Variants in CNTN5 observed in about 807,000 individuals in gnomAD.
CNTN5 encodes contactin 5.
Under a neutral mutation model 129.1 loss-of-function variants are expected in CNTN5, and 77 were observed. That is an observed-to-expected ratio of 0.60 (90% confidence interval 0.50 to 0.72). CNTN5 has a LOEUF of 0.72. Ranked by LOEUF, CNTN5 falls within the 30% of genes least tolerant of loss-of-function variation. The pLI, the probability that CNTN5 is intolerant of heterozygous loss-of-function variation, is 0.00. For synonymous variants in CNTN5, 509 were observed against 465.6 expected (o/e 1.09, Z -1.20); for missense variants, 1,478 against 1,328.8 (o/e 1.11, Z -1.75).
intron 2 of CNTN5, among the ~76,000 whole-genome samples, chr11:99,350,037 G>A (rs914526866): frequency 9.2e-5 from 14 of 152,078 alleles, no homozygotes; most frequent in African/African-American, 3.1e-4. Flanking sequence ...TTTTTTTCAA[G>A]TTATATTGCC....
chr11:99,463,187 C>T (rs1246174708), intron 2 of CNTN5, among the ~76,000 whole-genome samples: 2 of 149,708 alleles, frequency 1.3e-5, no homozygotes, highest in Middle Eastern at 3.5e-3. Flanking sequence ...GCCTGTAATC[C>T]CAGCACTTTG....
At chr11:99,961,564 G>C (rs1383932348) in intron 8 of CNTN5, among the ~76,000 whole-genome samples, 1 of 152,174 alleles carries the variant, frequency 6.6e-6, no homozygotes, top group Non-Finnish European at 1.5e-5. Flanking sequence ...TGAAATCAAA[G>C]TTAGCACTAA....
intron 1 of CNTN5, among the ~76,000 whole-genome samples, chr11:99,119,907 G>A (rs1376763780): frequency 6.6e-6 from 1 of 151,886 alleles, no homozygotes; most frequent in East Asian, 1.9e-4. Flanking sequence ...CGTATGTTTT[G>A]GTCACATGTA....
chr11:99,617,453 C>T (rs907677543), intron 3 of CNTN5, among the ~76,000 whole-genome samples: 4 of 152,034 alleles, frequency 2.6e-5, no homozygotes, highest in Non-Finnish European at 5.9e-5. Flanking sequence ...ATTATCTTCC[C>T]GAAGGCTCTG....
chr11:99,750,558 C>A lies in CNTN5; in HGVS notation c.56-68986C>A, dbSNP rs549996306. On this transcript the variant is annotated intron_variant, in intron 3 of 24. Coordinates refer to ENST00000524871, the MANE Select transcript of CNTN5 (RefSeq NM_014361.4). Reference sequence around the variant, plus strand: ...GAAGAGTGGTAGCTAAAAAAAAAAGCTACCACTCTTACCTCCTCTGTAAGG... The same window carrying A: ...GAAGAGTGGTAGCTAAAAAAAAAAGATACCACTCTTACCTCCTCTGTAAGG... Among the ~76,000 whole-genome samples the A allele has an allele frequency of 1.2e-3, 180 of 147,238 alleles. 1 individual carries two copies. The highest frequency in any genetic ancestry group is 0.011 in the South Asian group (49 of 4,490).
intron 3 of CNTN5, among the ~76,000 whole-genome samples, chr11:99,691,488 G>A (rs1362902681): frequency 1.3e-5 from 2 of 151,926 alleles, no homozygotes; most frequent in African/African-American, 2.4e-5. Flanking sequence ...CCTGATTTGT[G>A]CCTTAATATT....
intron 3 of CNTN5, among the ~76,000 whole-genome samples, chr11:99,763,323 G>A (rs964590268): frequency 6.6e-6 from 1 of 152,064 alleles, no homozygotes; most frequent in Non-Finnish European, 1.5e-5. Flanking sequence ...GGGGAAAACA[G>A]TCAAAACACC....
At chr11:99,764,409 GGTTT>G (rs1423270278) in intron 3 of CNTN5, among the ~76,000 whole-genome samples, 1 of 151,672 alleles carries the variant, frequency 6.6e-6, no homozygotes, top group African/African-American at 2.4e-5. Flanking sequence ...ATTTTTTGTT[GGTTT>G]GTTTTTGTTT....
chr11:99,195,925 G>T (rs1395126638), intron 1 of CNTN5, among the ~76,000 whole-genome samples: 2 of 151,692 alleles, frequency 1.3e-5, no homozygotes, highest in Non-Finnish European at 2.9e-5. Context: ...AATTCCAAAG[G>T]CCACTTAAAT....
intron 2 of CNTN5, among the ~76,000 whole-genome samples, chr11:99,340,728 T>G (rs2136054262): frequency 6.6e-6 from 1 of 152,272 alleles, no homozygotes; most frequent in East Asian, 1.9e-4. Context: ...GATTTTTCTC[T>G]AAAGCAACAA....
chr11:99,561,291 A>G (rs969953332), intron 3 of CNTN5, among the ~76,000 whole-genome samples: 4 of 152,018 alleles, frequency 2.6e-5, no homozygotes, highest in African/African-American at 9.7e-5. Flanking sequence ...ATTTCAGCAA[A>G]TAAGTAAGTA....
chr11:100,037,157 T>A (rs1942065791), intron 9 of CNTN5, among the ~76,000 whole-genome samples: 1 of 133,482 alleles, frequency 7.5e-6, no homozygotes, highest in South Asian at 2.6e-4. Context: ...ATACCTAATT[T>A]ATTAAGAGTT....
chr11:99,507,536 T>C (rs1591182669), intron 2 of CNTN5, among the ~76,000 whole-genome samples: 1 of 152,154 alleles, frequency 6.6e-6, no homozygotes, highest in East Asian at 1.9e-4. Context: ...AAATGGGTTG[T>C]GATGTGTAGC....
chr11:100,133,215 G>A (rs1362821134), intron 13 of CNTN5, among the ~76,000 whole-genome samples: 1 of 152,074 alleles, frequency 6.6e-6, no homozygotes, highest in African/African-American at 2.4e-5. Flanking sequence ...TTAATGGTGA[G>A]TTCAACCCAT....
At chr11:100,038,320 A>G (rs1047363824) in intron 9 of CNTN5, among the ~76,000 whole-genome samples, 15 of 150,410 alleles carry the variant, frequency 1.0e-4, no homozygotes, top group South Asian at 2.1e-4. Context: ...TGATTGCACT[A>G]TGGTCTGAGA....
At chr11:99,265,234 A>G (rs1862832910) in intron 1 of CNTN5, among the ~76,000 whole-genome samples, 1 of 152,064 alleles carries the variant, frequency 6.6e-6, no homozygotes. Context: ...TTCTTCATGT[A>G]GCACTATAAA....
chr11:99,670,532 A>G (rs1186863106), intron 3 of CNTN5, among the ~76,000 whole-genome samples: 1 of 152,158 alleles, frequency 6.6e-6, no homozygotes, highest in African/African-American at 2.4e-5. Flanking sequence ...ACTCTGCATA[A>G]AATGATTGAG....
At chr11:100,337,536 G>T in intron 21 of CNTN5, 1 of 743,004 alleles carries the variant, frequency 1.3e-6, no homozygotes. Context: ...TGTATCCCCA[G>T]TCAAGCAAGC....
At chr11:99,252,860 A>G (rs1862182085) in intron 1 of CNTN5, among the ~76,000 whole-genome samples, 1 of 151,948 alleles carries the variant, frequency 6.6e-6, no homozygotes, top group African/African-American at 2.4e-5. Flanking sequence ...GAAGTTGAAT[A>G]TATTTTAATA....
Sources: gnomAD v4.1 joint callset for allele counts (sites outside exome capture counted in the v4.1 genomes callset) on GRCh38, gnomAD v4.1.1 for gene constraint, MANE v1.5 for transcripts, NCBI Gene and HGNC (gene_info 2026-07-23, HGNC 2026-07-21) for gene names.